The following DDX46 variants were observed in gnomAD, a reference collection of about 807,000 sequenced individuals.
DDX46 encodes DEAD-box helicase 46.
A neutral mutation model predicts 134.9 loss-of-function variants in DDX46; 30 were observed. The observed-to-expected ratio is 0.22, with a 90% CI of 0.17 to 0.30. DDX46 has a LOEUF of 0.30. Ranked by LOEUF, DDX46 falls within the 10% of genes least tolerant of loss-of-function variation. The pLI is 1.00. For missense variants in DDX46, 622 were observed against 1,248.7 expected (o/e 0.50, Z 7.56); for synonymous variants, 415 against 404.1 (o/e 1.03, Z -0.32).
chr5:134,804,885 G>T, intron 15 of DDX46: 1 of 376,112 alleles, frequency 2.7e-6, no homozygotes, highest in South Asian at 2.4e-5. Flanking sequence ...TAACACACAT[G>T]GAACCACCAT....
At chr5:134,771,257 G>A (rs1004131304) in intron 4 of DDX46, among the ~76,000 whole-genome samples, 1 of 151,540 alleles carries the variant, frequency 6.6e-6, no homozygotes, top group Non-Finnish European at 1.5e-5. Flanking sequence ...ACCATGCCCA[G>A]CTAATTTTTG....
At chr5:134,817,241 A>G (rs1580817830) in intron 19 of DDX46, 2 of 405,562 alleles carry the variant, frequency 4.9e-6, no homozygotes, top group East Asian at 4.3e-5. Flanking sequence ...ATTATCAACT[A>G]CATCTCTATG....
intron 9 of DDX46, among the ~76,000 whole-genome samples, chr5:134,783,303 G>A (rs1475746364): frequency 6.6e-6 from 1 of 151,228 alleles, no homozygotes. Flanking sequence ...AGGGTGGAGT[G>A]CAGTGGTGCA....
At chr5:134,773,557 T>C (rs1753840099) in intron 4 of DDX46, 139 bp from the exon 5 acceptor site, 2 of 816,870 alleles carry the variant, frequency 2.4e-6, no homozygotes, top group Non-Finnish European at 1.8e-6. Context: ...AAGTCTACCC[T>C]GAGGGGTTTG....
At chr5:134,776,861 C>G (rs111276737) in intron 5 of DDX46, among the ~76,000 whole-genome samples, 2 of 148,520 alleles carry the variant, frequency 1.3e-5, no homozygotes, top group African/African-American at 5.0e-5. Flanking sequence ...TTGCAGTAAG[C>G]TGAGATCGCG....
chr5:134,819,303 C>T (rs926096127), intron 21 of DDX46, among the ~76,000 whole-genome samples: 15 of 152,076 alleles, frequency 9.9e-5, no homozygotes, highest in African/African-American at 3.4e-4. Flanking sequence ...ATATTCTGGC[C>T]TAAGTTTAGG....
chr5:134,759,201 C>A (rs955839161), intron 1 of DDX46, among the ~76,000 whole-genome samples: 1 of 152,186 alleles, frequency 6.6e-6, no homozygotes, highest in Non-Finnish European at 1.5e-5. Context: ...CCCTCCAGGA[C>A]GTTAGTGATT....
At chr5:134,777,144 GGAGGCGGA>G (rs1753966763) in intron 5 of DDX46, among the ~76,000 whole-genome samples, 14 of 152,100 alleles carry the variant, frequency 9.2e-5, no homozygotes, top group Admixed American at 9.2e-4. Context: ...CAGGAACCTG[GGAGGCGGA>G]GCTTGCAGTG....
intron 13 of DDX46, among the ~76,000 whole-genome samples, chr5:134,792,770 C>T (rs987532756): frequency 6.6e-6 from 1 of 152,034 alleles, no homozygotes; most frequent in Non-Finnish European, 1.5e-5. Flanking sequence ...TATTTATGTC[C>T]GTGTATGTGC....
chr5:134,812,351 C>T (rs1188173878), intron 18 of DDX46, among the ~76,000 whole-genome samples: 3 of 152,032 alleles, frequency 2.0e-5, no homozygotes, highest in Non-Finnish European at 4.4e-5. Flanking sequence ...AGGCGTGAGC[C>T]ACCTCGTCTG....
intron 16 of DDX46, among the ~76,000 whole-genome samples, chr5:134,810,507 A>G (rs1343968647): frequency 8.0e-5 from 12 of 150,906 alleles, no homozygotes; most frequent in Non-Finnish European, 1.8e-4. Flanking sequence ...CACTCGGCTA[A>G]TTTTTTTGTG....
chr5:134,798,383 AG>A (rs945184912), intron 15 of DDX46, among the ~76,000 whole-genome samples: 5 of 152,034 alleles, frequency 3.3e-5, no homozygotes, highest in African/African-American at 1.2e-4. Flanking sequence ...TGTGTGTTTT[AG>A]TAGAGACAGG....
In DDX46 at chr5:134,817,188, G is replaced by A. The variant is rs192774408; in HGVS notation, c.2614-308G>A. 17 of 280,266 alleles carry A rather than the reference G, an allele frequency of 6.1e-5. No homozygotes were observed. The East Asian group carries it at 1.3e-3, about 21-fold the overall frequency. 17.4% of individuals were successfully genotyped at this position (280,266 alleles called of 1,614,324 possible). A position where few individuals can be genotyped will look rare whatever the true frequency, so the allele number is the denominator to read the frequency against. On this transcript the variant is annotated intron_variant, in intron 19 of 22. Coordinates refer to ENST00000452510, the MANE Select transcript of DDX46 (RefSeq NM_001300860.2). ...CTCCTAGGAATTAGAGTATGCAAAT[G>A]ATTTTCGAAATATTTACTGTGTCTG...
chr5:134,792,964 G>A (rs886852201), intron 13 of DDX46, among the ~76,000 whole-genome samples: 2 of 152,008 alleles, frequency 1.3e-5, no homozygotes, highest in Non-Finnish European at 2.9e-5. Context: ...AGACAAGCAG[G>A]GGGCAACATG....
intron 13 of DDX46, among the ~76,000 whole-genome samples, chr5:134,793,903 TG>T (rs2150147772): frequency 6.6e-6 from 1 of 152,338 alleles, no homozygotes; most frequent in Admixed American, 6.5e-5. Flanking sequence ...GTATTCTCTA[TG>T]TGTGGTTACT....
At position 134,786,473 on chromosome 5, in the gene DDX46, T is replaced by C. The variant is rs544423616; in HGVS notation, c.1464+887T>C. 2.6e-5 allele frequency among the ~76,000 whole-genome samples: 4 copies of C among 152,298 alleles called. No homozygotes were observed. In the East Asian group the frequency reaches 7.7e-4, roughly 29 times the overall value. ...TTATTAAGTTGACCAATTAGGTTAA[T>C]ACGTTCTAGAGTTTGTCCTGGAACC... On this transcript the variant is annotated intron_variant, in intron 11 of 22. Coordinates refer to ENST00000452510, the MANE Select transcript of DDX46 (RefSeq NM_001300860.2).
At chr5:134,820,868 T>C (rs201397064) in intron 21 of DDX46, among the ~76,000 whole-genome samples, 5 of 145,802 alleles carry the variant, frequency 3.4e-5, no homozygotes, top group South Asian at 4.2e-4. Flanking sequence ...TCTTTTCTTT[T>C]TTTTTTTTTT....
At chr5:134,760,087 A>C (rs1489556941) in intron 1 of DDX46, among the ~76,000 whole-genome samples, 1 of 152,114 alleles carries the variant, frequency 6.6e-6, no homozygotes, top group Non-Finnish European at 1.5e-5. Context: ...TTGCTCTCCT[A>C]ATTGTTAGAT....
At chr5:134,815,567 T>C (rs1755263653) in intron 18 of DDX46, among the ~76,000 whole-genome samples, 1 of 151,444 alleles carries the variant, frequency 6.6e-6, no homozygotes, top group Non-Finnish European at 1.5e-5. Flanking sequence ...ATTAGCCAGG[T>C]GTGGTGGCGG....
Sources: allele counts gnomAD v4.1 joint callset (sites outside exome capture counted in the v4.1 genomes callset), GRCh38; gene constraint gnomAD v4.1.1; transcripts MANE v1.5; gene names NCBI Gene and HGNC (gene_info 2026-07-23, HGNC 2026-07-21).